MAP3K20: variants seen among roughly 807,000 people sequenced by gnomAD.
The protein encoded by MAP3K20 is HCCS-4.
A neutral mutation model predicts 85.7 loss-of-function variants in MAP3K20; 40 were observed. That is an observed-to-expected ratio of 0.47 (90% confidence interval 0.36 to 0.61). MAP3K20 has a LOEUF of 0.61. MAP3K20 is among the 20% of genes least tolerant of loss of function. MAP3K20 has a pLI of 0.00. For synonymous variants in MAP3K20, 325 were observed against 327.7 expected (o/e 0.99, Z 0.09); for missense variants, 817 against 961.7 (o/e 0.85, Z 1.99).
chr2:173,165,245 C>T (rs1689780499), intron 2 of MAP3K20, among the ~76,000 whole-genome samples: 1 of 149,216 alleles, frequency 6.7e-6, no homozygotes, highest in Admixed American at 6.7e-5. Flanking sequence ...CCTGTCTCTA[C>T]TGAAAAAAAA....
At chr2:173,249,673 C>T (rs1318045961) in intron 16 of MAP3K20, among the ~76,000 whole-genome samples, 4 of 152,172 alleles carry the variant, frequency 2.6e-5, no homozygotes, top group Non-Finnish European at 5.9e-5. Flanking sequence ...CTTCTATATT[C>T]GTTAAGAAAC....
chr2:173,185,450 A>G (rs1690458381), intron 4 of MAP3K20, among the ~76,000 whole-genome samples: 1 of 152,100 alleles, frequency 6.6e-6, no homozygotes, highest in Non-Finnish European at 1.5e-5. Context: ...AAAAAAAAAA[A>G]TCAAGGCTTT....
rs574934832 is a variant in MAP3K20, at chr2:173,205,035, G to A, written c.744+1165G>A. On this transcript the variant is annotated intron_variant, in intron 9 of 19. Transcript: ENST00000375213. Reference sequence around the variant, plus strand: ...GGAGAATGGCATGAACCCGGGAGGCGGAGCTTGCAGTGAGCCAAGATTGCG... The same window carrying A: ...GGAGAATGGCATGAACCCGGGAGGCAGAGCTTGCAGTGAGCCAAGATTGCG... Among the ~76,000 whole-genome samples the A allele has an allele frequency of 4.0e-5, 6 of 150,462 alleles. No homozygotes were observed. In the East Asian group the frequency reaches 6.0e-4, roughly 15 times the overall value.
intron 2 of MAP3K20, among the ~76,000 whole-genome samples, chr2:173,142,920 G>A (rs900631618): frequency 6.6e-6 from 1 of 152,030 alleles, no homozygotes; most frequent in African/African-American, 2.4e-5. Context: ...CCAGCAATTT[G>A]GGAGGCCAGG....
chr2:173,232,586 C>T lies in MAP3K20; in HGVS notation c.1203+127C>T, dbSNP rs1574141481. 2.2e-6 allele frequency: 3 copies of T among 1,385,298 alleles called. No individual in the cohort carries two copies. The East Asian group carries it at 7.0e-5, about 32-fold the overall frequency. 85.8% of individuals were successfully genotyped at this position (1,385,298 alleles called of 1,614,324 possible). ...AGGCACAATCTTGGCTCGTTGCACC[C>T]TCCGCCTCCTGGGTTCAAGTGATTC... On this transcript the variant is annotated intron_variant, in intron 14 of 19. Transcript: ENST00000375213.
chr2:173,216,962 G>A (rs1359169986), intron 10 of MAP3K20, among the ~76,000 whole-genome samples, 153 bp from the exon 11 acceptor site: 3 of 152,162 alleles, frequency 2.0e-5, no homozygotes, highest in African/African-American at 7.2e-5. Context: ...TGATATTTAA[G>A]GACATGAAAG....
intron 3 of MAP3K20, among the ~76,000 whole-genome samples, chr2:173,176,458 AT>A (rs1455044766): frequency 6.6e-6 from 1 of 152,136 alleles, no homozygotes; most frequent in Non-Finnish European, 1.5e-5. Flanking sequence ...AATCTTCTAT[AT>A]TTTATTGTAA....
Position 173,266,509 on chromosome 2 carries a change from C to G in MAP3K20, c.2162C>G (p.Ala721Gly). 1 of 1,614,038 alleles carries G rather than the reference C, an allele frequency of 6.2e-7. No individual in the cohort carries two copies. Among genetic ancestry groups the G allele is most frequent in the African/African-American group, 1.3e-5 (1 of 75,026 alleles). The part of the protein sequence containing the change: ...PGKFYRVSQS[A>G]LNPHQSPDFK... ...AAGTTCTACAGGGTTTCTCAGTCAG[C>G]ACTCAATCCTCACCAGTCGCCTGAC... is the stretch of plus-strand genomic sequence containing the variant. The change falls in exon 20 of 20, where the codon GCA (alanine) becomes GGA (glycine). Residue 721 changes from alanine (A) to glycine (G), a missense_variant. By Grantham distance (60) the Ala-to-Gly change is moderately conservative. Transcript: ENST00000375213.
rs34683477 is a variant in MAP3K20, at chr2:173,209,826, C to T, written c.842C>T (p.Ala281Val). The change falls in exon 10 of 20, where the codon GCG (alanine) becomes GTG (valine). Residue 281 changes from alanine to valine, a missense_variant. Ala to Val is a moderately conservative substitution (Grantham distance 64). This residue lies in a region of MAP3K20 where 158 missense variants were observed against 162.0 expected (regional missense o/e 0.98). Transcript: ENST00000375213. ...TGTAACTCATTCCTACACAACAAGG[C>T]GGAGTGGAGGTGGGTAGCCCCGACA... ...DKCNSFLHNK[A>V]EWRCEIEATL... 2.8e-4 allele frequency: 450 copies of T among 1,613,860 alleles called. No homozygotes were observed. Among genetic ancestry groups the T allele is most frequent in the East Asian group, 4.9e-4 (22 of 44,900 alleles).
chr2:173,222,764 C>A, intron 11 of MAP3K20: 2 of 985,256 alleles, frequency 2.0e-6, no homozygotes, highest in Non-Finnish European at 2.4e-6. Flanking sequence ...TTGTTTTAAC[C>A]CTGCTTAATA....
chr2:173,109,798 G>A (rs1471462203), intron 2 of MAP3K20, among the ~76,000 whole-genome samples: 1 of 152,084 alleles, frequency 6.6e-6, no homozygotes, highest in African/African-American at 2.4e-5. Context: ...CACTTTTCTT[G>A]TTGAGCCCGT....
chr2:173,084,629 A>T (rs1687098067), intron 1 of MAP3K20, among the ~76,000 whole-genome samples: 3 of 152,206 alleles, frequency 2.0e-5, no homozygotes. Context: ...TTTATTTGTT[A>T]ATAATTGCTC....
chr2:173,105,668 A>G (rs1173041971), intron 2 of MAP3K20, among the ~76,000 whole-genome samples: 1 of 152,222 alleles, frequency 6.6e-6, no homozygotes, highest in Admixed American at 6.5e-5. Flanking sequence ...CAAAAGGACC[A>G]ATATTGTACA....
At chr2:173,259,790 G>T (rs1439635634) in intron 17 of MAP3K20, among the ~76,000 whole-genome samples, 2 of 152,174 alleles carry the variant, frequency 1.3e-5, no homozygotes, top group Non-Finnish European at 2.9e-5. Context: ...ATCTGTAAGG[G>T]TTGTCACTTG....
intron 5 of MAP3K20, 56 bp downstream of exon 5, chr2:173,187,679 A>T: frequency 6.9e-7 from 1 of 1,445,808 alleles, no homozygotes. Flanking sequence ...ATACACTTGC[A>T]TGTAGAAATG....
At chr2:173,213,200 T>C (rs2106309403) in intron 10 of MAP3K20, among the ~76,000 whole-genome samples, 1 of 152,320 alleles carries the variant, frequency 6.6e-6, no homozygotes, top group South Asian at 2.1e-4. Flanking sequence ...AGTTGGATGA[T>C]AAATTCAATT....
intron 10 of MAP3K20, among the ~76,000 whole-genome samples, chr2:173,216,611 T>TGA (rs1491285697): frequency 6.6e-6 from 1 of 151,452 alleles, no homozygotes; most frequent in Admixed American, 6.6e-5. Flanking sequence ...CCAAGGAAAC[T>TGA]GAGACAGGTT....
chr2:173,110,214 TATATATATATATATATATATATATATA>T (rs1687908466), intron 2 of MAP3K20, among the ~76,000 whole-genome samples: 36 of 6,930 alleles, frequency 5.2e-3, no homozygotes, highest in African/African-American at 0.016. Flanking sequence ...TATATATATA[TATATATATATATATATATATATATATA>T]TTTTTTTTTT....
chr2:173,257,161 C>A (rs555657868), intron 16 of MAP3K20, among the ~76,000 whole-genome samples: 1 of 152,026 alleles, frequency 6.6e-6, no homozygotes, highest in South Asian at 2.1e-4. Flanking sequence ...AAGACCCTGT[C>A]TCAAAAAAAT....
Sources: allele counts gnomAD v4.1 joint callset (sites outside exome capture counted in the v4.1 genomes callset), GRCh38; gene constraint gnomAD v4.1.1; regional missense constraint gnomAD v4.1.1; transcripts MANE v1.5; gene names NCBI Gene and HGNC (gene_info 2026-07-23, HGNC 2026-07-21).